IL1RAPL1: variants seen among roughly 807,000 people sequenced by gnomAD.
IL1RAPL1 encodes the protein interleukin 1 receptor accessory protein like 1, also known as interleukin-1 receptor accessory protein-like 1.
A neutral mutation model predicts 48.4 loss-of-function variants in IL1RAPL1; 3 were observed. The observed-to-expected ratio is 0.06, with a 90% CI of 0.03 to 0.16. The LOEUF is 0.16. Ranked by LOEUF, IL1RAPL1 falls within the 10% of genes least tolerant of loss-of-function variation. IL1RAPL1 has a pLI of 1.00. For missense variants in IL1RAPL1, 349 were observed against 530.6 expected (o/e 0.66, Z 3.36); for synonymous variants, 185 against 187.7 (o/e 0.99, Z 0.12).
intron 2 of IL1RAPL1, among the ~76,000 whole-genome samples, chrX:29,278,794 A>G (rs1322279871): frequency 8.9e-6 from 1 of 112,668 alleles, no homozygotes; most frequent in African/African-American, 3.2e-5. Context: ...ATCAACAGCA[A>G]TTCTGTTCAT....
chrX:28,799,771 G>A (rs150445671), intron 2 of IL1RAPL1, among the ~76,000 whole-genome samples: 2 of 112,079 alleles, frequency 1.8e-5, no homozygotes, highest in Non-Finnish European at 3.8e-5. Context: ...ATAGGATCTA[G>A]TGAGTGTTTG....
At chrX:29,289,928 A>G (rs1932345167) in intron 3 of IL1RAPL1, among the ~76,000 whole-genome samples, 1 of 112,218 alleles carries the variant, frequency 8.9e-6, no homozygotes, top group Non-Finnish European at 1.9e-5. Context: ...TTTTTTTCAA[A>G]TGACATATCT....
chrX:29,050,515 A>G lies in IL1RAPL1; in HGVS notation c.83-232423A>G, dbSNP rs774577939. 5.4e-5 allele frequency among the ~76,000 whole-genome samples: 6 copies of G among 111,947 alleles called. No individual in the cohort carries two copies. In the South Asian group the frequency reaches 2.2e-3, roughly 42 times the overall value. The stretch of plus-strand genomic sequence containing the variant: ...AAATTTGAATCTTGACACACTACAT[A>G]CTAACTCATATTTATTGGTATCAGA... On this transcript the variant is annotated intron_variant, in intron 2 of 10. Coordinates refer to ENST00000378993, the MANE Select transcript of IL1RAPL1 (RefSeq NM_014271.4).
intron 1 of IL1RAPL1, among the ~76,000 whole-genome samples, chrX:28,722,007 A>G (rs1389758943): frequency 1.8e-5 from 2 of 111,430 alleles, no homozygotes; most frequent in Non-Finnish European, 3.8e-5. Context: ...GCCTTGTAGT[A>G]TAGTTTGAAG....
intron 6 of IL1RAPL1, among the ~76,000 whole-genome samples, chrX:29,829,101 T>G (rs370250166): frequency 2.8e-3 from 302 of 107,118 alleles, no homozygotes; most frequent in Middle Eastern, 4.8e-3. Context: ...GCTTATTGTT[T>G]TAAACACTTA....
chrX:28,950,095 C>G (rs1321560894), intron 2 of IL1RAPL1, among the ~76,000 whole-genome samples: 1 of 103,183 alleles, frequency 9.7e-6, no homozygotes, highest in African/African-American at 3.5e-5. Flanking sequence ...AGTCTTTAAT[C>G]CATCTTGAAT....
intron 2 of IL1RAPL1, among the ~76,000 whole-genome samples, chrX:29,186,465 A>G (rs1930254041): frequency 9.0e-6 from 1 of 111,458 alleles, no homozygotes; most frequent in South Asian, 3.8e-4. Flanking sequence ...AGGTTGAGAA[A>G]CCCTTGATTT....
intron 5 of IL1RAPL1, among the ~76,000 whole-genome samples, chrX:29,535,382 A>C (rs928262719): frequency 4.5e-5 from 5 of 111,143 alleles, no homozygotes; most frequent in Non-Finnish European, 9.4e-5. Context: ...AGATCTTCTC[A>C]GATCCCTTTT....
intron 2 of IL1RAPL1, among the ~76,000 whole-genome samples, chrX:29,247,439 TA>T (rs779667459): frequency 0.082 from 8,361 of 101,868 alleles, 780 homozygotes; most frequent in African/African-American, 0.27. Flanking sequence ...GACAGAGAAA[TA>T]AAAAAAAAAA....
intron 3 of IL1RAPL1, among the ~76,000 whole-genome samples, chrX:29,300,675 C>G (rs1363751045): frequency 8.9e-6 from 1 of 111,978 alleles, no homozygotes; most frequent in Non-Finnish European, 1.9e-5. Flanking sequence ...CTTGTTGACA[C>G]AGTGTAGAAA....
chrX:29,709,855 C>T (rs770474602), intron 6 of IL1RAPL1, among the ~76,000 whole-genome samples: 4 of 111,720 alleles, frequency 3.6e-5, no homozygotes, highest in African/African-American at 9.7e-5. Flanking sequence ...TCATGTTTTA[C>T]AGTTTTCAGT....
At chrX:29,297,355 G>C (rs1932464639) in intron 3 of IL1RAPL1, among the ~76,000 whole-genome samples, 1 of 112,363 alleles carries the variant, frequency 8.9e-6, no homozygotes, top group African/African-American at 3.2e-5. Context: ...GCATGACTTA[G>C]GCTCTAAAGC....
intron 6 of IL1RAPL1, among the ~76,000 whole-genome samples, chrX:29,895,475 G>C (rs974304854): frequency 2.7e-5 from 3 of 112,291 alleles, no homozygotes; most frequent in African/African-American, 9.7e-5. Context: ...TTGCTTGGAG[G>C]TGGAGGTTGC....
chrX:29,252,261 A>G (rs1931649168), intron 2 of IL1RAPL1, among the ~76,000 whole-genome samples: 1 of 108,386 alleles, frequency 9.2e-6, no homozygotes, highest in Non-Finnish European at 1.9e-5. Context: ...AACTTAAAGT[A>G]CAATAATAGT....
chrX:28,791,042 T>C (rs1256451833), intron 2 of IL1RAPL1, among the ~76,000 whole-genome samples: 1 of 112,010 alleles, frequency 8.9e-6, no homozygotes, highest in Non-Finnish European at 1.9e-5. Context: ...AATAGAAATA[T>C]TGATTAATTC....
At chrX:29,868,603 C>T (rs1176545546) in intron 6 of IL1RAPL1, among the ~76,000 whole-genome samples, 2 of 112,222 alleles carry the variant, frequency 1.8e-5, no homozygotes, top group Non-Finnish European at 3.8e-5. Context: ...AATGAATATA[C>T]AAATCAGCTA....
At chrX:29,802,291 G>C (rs1466608087) in intron 6 of IL1RAPL1, among the ~76,000 whole-genome samples, 1 of 112,149 alleles carries the variant, frequency 8.9e-6, no homozygotes, top group Non-Finnish European at 1.9e-5. Flanking sequence ...TTGATTTTTA[G>C]ATGAGAAAGT....
chrX:29,463,218 G>T (rs1195581757), intron 5 of IL1RAPL1, among the ~76,000 whole-genome samples: 2 of 109,810 alleles, frequency 1.8e-5, no homozygotes. Context: ...CCCACATTAT[G>T]AATCCAAAGA....
intron 6 of IL1RAPL1, among the ~76,000 whole-genome samples, chrX:29,702,427 T>C (rs766403072): frequency 9.0e-6 from 1 of 110,802 alleles, no homozygotes; most frequent in African/African-American, 3.3e-5. Context: ...AGTGAAAGAT[T>C]TATTTGTAGA....
Sources: allele counts gnomAD v4.1 joint callset (sites outside exome capture counted in the v4.1 genomes callset), GRCh38; gene constraint gnomAD v4.1.1; transcripts MANE v1.5; gene names NCBI Gene and HGNC (gene_info 2026-07-23, HGNC 2026-07-21).